The following TMEM196 variants were observed in gnomAD, a reference collection of about 807,000 sequenced individuals.
TMEM196 encodes transmembrane protein 196.
In TMEM196, 17 loss-of-function variants were observed where a neutral mutation model predicts 20.0. That is an observed-to-expected ratio of 0.85 (90% CI 0.58 to 1.27). TMEM196 has a LOEUF of 1.27. TMEM196 is among the 50% of genes most tolerant of loss of function. The pLI is 0.00. For synonymous variants in TMEM196, 113 were observed against 88.9 expected (o/e 1.27, Z -1.52); for missense variants, 267 against 223.0 (o/e 1.20, Z -1.26).
At chr7:19,737,080 T>C (rs1026989271) in intron 1 of TMEM196, among the ~76,000 whole-genome samples, 1 of 151,742 alleles carries the variant, frequency 6.6e-6, no homozygotes, top group African/African-American at 2.4e-5. Context: ...TAGAAAAATA[T>C]TGAAGGGAAA....
At chr7:19,742,278 G>T (rs1214637924) in intron 1 of TMEM196, among the ~76,000 whole-genome samples, 2 of 152,144 alleles carry the variant, frequency 1.3e-5, no homozygotes, top group Admixed American at 1.3e-4. Context: ...ATTCCTAAAG[G>T]AGAGAGGCAT....
At chr7:19,735,843 G>T (rs1784380921) in intron 1 of TMEM196, among the ~76,000 whole-genome samples, 1 of 152,110 alleles carries the variant, frequency 6.6e-6, no homozygotes, top group African/African-American at 2.4e-5. Flanking sequence ...CTAGTTATTA[G>T]AGGAGATATA....
At chr7:19,729,806 T>C (rs1784131367) in intron 1 of TMEM196, among the ~76,000 whole-genome samples, 1 of 152,148 alleles carries the variant, frequency 6.6e-6, no homozygotes, top group African/African-American at 2.4e-5. Flanking sequence ...TAGAAATCAG[T>C]AAGTTATACT....
At chr7:19,771,913 C>T (rs1009621430) in intron 1 of TMEM196, among the ~76,000 whole-genome samples, 3 of 152,098 alleles carry the variant, frequency 2.0e-5, no homozygotes, top group African/African-American at 7.2e-5. Context: ...AACTTACTGT[C>T]TAGAACTTAC....
At chr7:19,733,766 C>G (rs1161471339) in intron 1 of TMEM196, among the ~76,000 whole-genome samples, 1 of 152,018 alleles carries the variant, frequency 6.6e-6, no homozygotes, top group African/African-American at 2.4e-5. Flanking sequence ...GAGGCAGGAG[C>G]CTCTCGCCCA....
At chr7:19,768,727 C>T (rs911960021) in intron 1 of TMEM196, among the ~76,000 whole-genome samples, 2 of 152,104 alleles carry the variant, frequency 1.3e-5, no homozygotes, top group African/African-American at 4.8e-5. Context: ...TATAATGACA[C>T]CTATAGCTTT....
intron 1 of TMEM196, among the ~76,000 whole-genome samples, chr7:19,735,095 C>T (rs1784349868): frequency 6.6e-6 from 1 of 152,132 alleles, no homozygotes; most frequent in East Asian, 1.9e-4. Context: ...TCTTATATTA[C>T]TTAACTGAAT....
At chr7:19,757,338 T>A (rs1785259335) in intron 1 of TMEM196, among the ~76,000 whole-genome samples, 1 of 27,594 alleles carries the variant, frequency 3.6e-5, no homozygotes, top group African/African-American at 2.7e-4. Context: ...CACACCCAGC[T>A]TTTTTTTTTT....
chr7:19,757,722 TTTTAC>T (rs1265110871), intron 1 of TMEM196, among the ~76,000 whole-genome samples: 1 of 152,100 alleles, frequency 6.6e-6, no homozygotes, highest in Non-Finnish European at 1.5e-5. Flanking sequence ...TGAGAAAATA[TTTTAC>T]TTTAATTATA....
At chr7:19,744,655 T>C (rs1212361357) in intron 1 of TMEM196, among the ~76,000 whole-genome samples, 1 of 152,230 alleles carries the variant, frequency 6.6e-6, no homozygotes, top group Non-Finnish European at 1.5e-5. Flanking sequence ...TATCTAACGA[T>C]GAAATTTACC....
intron 4 of TMEM196, among the ~76,000 whole-genome samples, chr7:19,723,463 A>G (rs952258092): frequency 1.3e-5 from 2 of 152,176 alleles, no homozygotes; most frequent in Non-Finnish European, 2.9e-5. Flanking sequence ...ATTTAGTAAA[A>G]CAATTTTTTA....
At chr7:19,735,003 C>T (rs555652267) in intron 1 of TMEM196, among the ~76,000 whole-genome samples, 7 of 152,256 alleles carry the variant, frequency 4.6e-5, no homozygotes, top group Admixed American at 3.3e-4. Context: ...AAATTAATAT[C>T]TGCCAATACC....
chr7:19,726,803 A>C (rs2128013695), intron 2 of TMEM196, among the ~76,000 whole-genome samples: 1 of 152,268 alleles, frequency 6.6e-6, no homozygotes, highest in African/African-American at 2.4e-5. Flanking sequence ...ATGGGCTTTC[A>C]TGATACTTTG....
intron 1 of TMEM196, among the ~76,000 whole-genome samples, chr7:19,747,450 A>G (rs867987091): frequency 3.9e-5 from 6 of 152,320 alleles, no homozygotes; most frequent in Non-Finnish European, 8.8e-5. Context: ...AGTTACAATA[A>G]TAAAAAGGAA....
intron 1 of TMEM196, among the ~76,000 whole-genome samples, chr7:19,732,011 T>C (rs76892874): frequency 0.039 from 5,948 of 152,280 alleles, 176 homozygotes; most frequent in Non-Finnish European, 0.062. Flanking sequence ...AAGATCTTGG[T>C]TGAAATTTAG....
intron 1 of TMEM196, among the ~76,000 whole-genome samples, chr7:19,743,924 A>C (rs1425748664): frequency 8.5e-5 from 13 of 152,162 alleles, no homozygotes; most frequent in Non-Finnish European, 1.9e-4. Context: ...AAAATCTAAA[A>C]TAAGATCTTA....
intron 1 of TMEM196, among the ~76,000 whole-genome samples, chr7:19,747,246 C>T (rs1282260539): frequency 7.1e-6 from 1 of 141,142 alleles, no homozygotes; most frequent in African/African-American, 2.8e-5. Context: ...CAGAGCGAGA[C>T]TCCGTCTCAA....
intron 1 of TMEM196, among the ~76,000 whole-genome samples, chr7:19,750,493 C>T (rs1225952810): frequency 1.3e-5 from 2 of 151,944 alleles, no homozygotes; most frequent in Non-Finnish European, 2.9e-5. Context: ...TACACATATT[C>T]GTATCTCACA....
At chr7:19,758,500 C>G (rs4719581) in intron 1 of TMEM196, among the ~76,000 whole-genome samples, 3 of 151,902 alleles carry the variant, frequency 2.0e-5, no homozygotes, top group African/African-American at 7.3e-5. Flanking sequence ...AATCATCTGT[C>G]GAAATAATGT....
Sources: allele counts gnomAD v4.1 joint callset (sites outside exome capture counted in the v4.1 genomes callset), GRCh38; gene constraint gnomAD v4.1.1; transcripts MANE v1.5; gene names NCBI Gene and HGNC (gene_info 2026-07-23, HGNC 2026-07-21).